The following MAP4 variants were observed in gnomAD, a reference collection of about 807,000 sequenced individuals.
The protein encoded by MAP4 is microtubule associated protein 4, also known as microtubule-associated protein 4.
A neutral mutation model predicts 170.2 loss-of-function variants in MAP4; 76 were observed. The ratio of observed to expected loss-of-function variants is 0.45; its 90% CI spans 0.37 to 0.54. MAP4 has a LOEUF of 0.54. Among genes scored for constraint, MAP4 ranks in the 20% least tolerant of loss-of-function variants. MAP4 has a pLI of 0.00. For synonymous variants in MAP4, 909 were observed against 994.5 expected (o/e 0.91, Z 1.62); for missense variants, 2,506 against 2,748.0 (o/e 0.91, Z 1.97).
At chr3:47,915,883 T>C (rs1256866320) in intron 7 of MAP4, 68 bp downstream of exon 7, 18 of 1,513,220 alleles carry the variant, frequency 1.2e-5, no homozygotes, top group Non-Finnish European at 1.5e-5. Context: ...GGCATGATGT[T>C]TGTCCTTAGT....
intron 2 of MAP4, among the ~76,000 whole-genome samples, chr3:47,994,990 C>A (rs934586983): frequency 6.6e-6 from 1 of 151,728 alleles, no homozygotes; most frequent in South Asian, 2.1e-4. Flanking sequence ...AAAGACTACT[C>A]CAGAAATTGG....
At chr3:48,081,943 A>G (rs1242325611) in intron 1 of MAP4, among the ~76,000 whole-genome samples, 1 of 152,214 alleles carries the variant, frequency 6.6e-6, no homozygotes, top group Non-Finnish European at 1.5e-5. Flanking sequence ...AGTGCCAGGA[A>G]GTACAAAAGT....
At position 47,991,713 on chromosome 3, in the gene MAP4, G is replaced by A. The variant is rs189133300; in HGVS notation, c.223+6925C>T. ...GAATTTCGCTCTTGTTGCCCAGGCT[G>A]GAGTGCAACAATGGCACGATCTCGG... is the stretch of plus-strand genomic sequence containing the variant. On this transcript the variant is annotated intron_variant, in intron 2 of 20. Transcript: ENST00000683076. Among the ~76,000 whole-genome samples, 559 of 151,430 alleles carry A rather than the reference G, an allele frequency of 3.7e-3. 2 individuals are homozygous for A. The highest frequency in any genetic ancestry group is 9.6e-3 in the African/African-American group (396 of 41,248).
chr3:48,013,980 C>T (rs945416454), intron 1 of MAP4, among the ~76,000 whole-genome samples: 11 of 152,080 alleles, frequency 7.2e-5, no homozygotes, highest in Admixed American at 6.5e-5. Flanking sequence ...ATTAGTGAGC[C>T]GGGTTTTTTA....
At chr3:48,011,979 G>C (rs1396874549) in intron 1 of MAP4, among the ~76,000 whole-genome samples, 2 of 152,200 alleles carry the variant, frequency 1.3e-5, no homozygotes, top group Non-Finnish European at 2.9e-5. Context: ...CTTTAATCCG[G>C]AAACTGTCCT....
At chr3:47,921,972 G>C (rs924948219) in intron 4 of MAP4, 94 bp from the exon 5 acceptor site, 7 of 682,250 alleles carry the variant, frequency 1.0e-5, no homozygotes, top group African/African-American at 5.5e-5. Context: ...TTTTGAGGTG[G>C]AGTCTTGCTC....
At chr3:47,884,002 C>T (rs1226154556) in intron 10 of MAP4, among the ~76,000 whole-genome samples, 1 of 152,066 alleles carries the variant, frequency 6.6e-6, no homozygotes, top group Non-Finnish European at 1.5e-5. Context: ...GGTATTTGTT[C>T]AGTTGCTTGA....
intron 17 of MAP4, among the ~76,000 whole-genome samples, chr3:47,864,426 C>A (rs955355588): frequency 6.6e-6 from 1 of 152,130 alleles, no homozygotes; most frequent in Non-Finnish European, 1.5e-5. Flanking sequence ...CCTGTAATCC[C>A]AGCACTTTGG....
At chr3:47,863,965 T>C (rs2074592408) in intron 17 of MAP4, among the ~76,000 whole-genome samples, 1 of 140,678 alleles carries the variant, frequency 7.1e-6, no homozygotes, top group African/African-American at 2.7e-5. Flanking sequence ...GTAATGCTGT[T>C]CTGTCTGCAC....
chr3:48,000,230 A>AG (rs2100098410), intron 1 of MAP4, among the ~76,000 whole-genome samples: 1 of 69,140 alleles, frequency 1.4e-5, no homozygotes, highest in African/African-American at 3.6e-5. Flanking sequence ...TCAAAAAAAA[A>AG]AAAAAAAAAA....
intron 10 of MAP4, among the ~76,000 whole-genome samples, chr3:47,887,511 G>A (rs907071098): frequency 1.3e-5 from 2 of 152,096 alleles, no homozygotes; most frequent in Non-Finnish European, 2.9e-5. Flanking sequence ...CTCCTGTGCC[G>A]CCCGAGCCTC....
chr3:48,056,964 G>T (rs1210923859), intron 1 of MAP4, among the ~76,000 whole-genome samples: 1 of 121,930 alleles, frequency 8.2e-6, no homozygotes, highest in East Asian at 2.7e-4. Context: ...CCGGCCAGCC[G>T]CCCCGTCCGG....
At position 47,916,733 on chromosome 3, in the gene MAP4, G is replaced by A; in HGVS notation, c.1094C>T (p.Ala365Val). The part of the protein sequence containing the change: ...ERASPIKMDL[A>V]PSKDMGPPKE... ...GGGTGGTCCCATGTCCTTGGAAGGG[G>A]CTAAGTCCATTTTTATAGGAGATGC... Residue 365 changes from alanine to valine, a missense_variant, in exon 7 of 21, where the codon GCC (alanine) becomes GTC (valine). By Grantham distance (64) the Ala-to-Val change is moderately conservative. Around this residue, in one of 3 missense-constraint regions of MAP4, gnomAD observed 2,008 missense variants for 2,206.0 expected, o/e 0.91. Coordinates refer to ENST00000683076, the MANE Select transcript of MAP4 (RefSeq NM_001385682.1). 4 of 1,614,004 alleles carry A rather than the reference G, an allele frequency of 2.5e-6. No individual in the cohort carries two copies. The highest frequency in any genetic ancestry group is 2.5e-6 in the Non-Finnish European group (3 of 1,179,994).
chr3:48,030,826 A>C (rs1447945238), intron 1 of MAP4, among the ~76,000 whole-genome samples: 1 of 141,532 alleles, frequency 7.1e-6, no homozygotes, highest in African/African-American at 2.6e-5. Context: ...AAAAAAAAAG[A>C]TAGGGGTAAC....
At chr3:47,907,283 T>C (rs1332537049) in intron 9 of MAP4, among the ~76,000 whole-genome samples, 2 of 152,224 alleles carry the variant, frequency 1.3e-5, no homozygotes, top group African/African-American at 4.8e-5. Context: ...GAAGGATATA[T>C]AAGCTATTGT....
intron 1 of MAP4, among the ~76,000 whole-genome samples, chr3:47,999,336 A>G (rs908067393): frequency 5.3e-5 from 8 of 152,274 alleles, no homozygotes; most frequent in African/African-American, 1.7e-4. Context: ...CTTCTTCATG[A>G]ATCACTTGTG....
chr3:48,071,545 T>A (rs144500975), intron 1 of MAP4, among the ~76,000 whole-genome samples: 7 of 151,672 alleles, frequency 4.6e-5, no homozygotes, highest in African/African-American at 1.7e-4. Context: ...CTGAGACCCA[T>A]CTCAAGAAAA....
chr3:48,015,543 A>G (rs1480050391), intron 1 of MAP4, among the ~76,000 whole-genome samples: 2 of 152,188 alleles, frequency 1.3e-5, no homozygotes, highest in Non-Finnish European at 2.9e-5. Flanking sequence ...CTGCTTCATA[A>G]TAATTTAATA....
intron 1 of MAP4, among the ~76,000 whole-genome samples, chr3:48,028,686 T>C (rs1049530253): frequency 6.7e-6 from 1 of 150,002 alleles, no homozygotes. Flanking sequence ...GGCAGAGAAC[T>C]GCTTGAACCC....
Sources: gnomAD v4.1 joint callset for allele counts (sites outside exome capture counted in the v4.1 genomes callset) on GRCh38, gnomAD v4.1.1 for gene constraint, gnomAD v4.1.1 regional missense constraint, MANE v1.5 for transcripts, NCBI Gene and HGNC (gene_info 2026-07-23, HGNC 2026-07-21) for gene names.